MYEF2: variants seen among roughly 807,000 people sequenced by gnomAD.
The protein encoded by MYEF2 is myelin expression factor 2, also known as myelin gene expression factor 2.
In MYEF2, 37 loss-of-function variants were observed where a neutral mutation model predicts 75.2. The ratio of observed to expected loss-of-function variants is 0.49; its 90% confidence interval spans 0.38 to 0.65. The LOEUF is 0.65. Among genes scored for constraint, MYEF2 ranks in the 30% least tolerant of loss-of-function variants. The pLI, the probability that MYEF2 is intolerant of heterozygous loss-of-function variation, is 0.00. For missense variants in MYEF2, 634 were observed against 771.4 expected (o/e 0.82, Z 2.11); for synonymous variants, 195 against 241.6 (o/e 0.81, Z 1.79).
chr15:48,140,977 T>TAAGC lies in MYEF2; in HGVS notation c.*1927_*1930dup, dbSNP rs2039059636. The TAAGC allele has an allele frequency of 8.2e-6, 5 of 612,608 alleles. No homozygotes were observed. In the South Asian group the frequency reaches 1.1e-4, roughly 14 times the overall value. The allele number at this position is 612,608 out of a possible 1,614,324, so 37.9% of individuals were successfully genotyped here. A position where few individuals can be genotyped will look rare whatever the true frequency, so the allele number is the denominator to read the frequency against. On this transcript the variant is annotated 3_prime_UTR_variant, in exon 17 of 17. Transcript: ENST00000324324. ...AATATGTTGCTAGCTAAAAAACTAA[T>TAAGC]AAGCAAGCACATATTGGCTCTGAAT...
chr15:48,170,074 T>G (rs769206361), intron 1 of MYEF2, among the ~76,000 whole-genome samples: 1 of 152,148 alleles, frequency 6.6e-6, no homozygotes, highest in Non-Finnish European at 1.5e-5. Flanking sequence ...AAAACAAGTC[T>G]TTTTTACAGC....
chr15:48,158,164 C>T lies in MYEF2; in HGVS notation c.921+11G>A, dbSNP rs1368779955. 1 of 1,612,762 alleles carries T rather than the reference C, an allele frequency of 6.2e-7. No individual in the cohort carries two copies. Among genetic ancestry groups the T allele is most frequent in the Non-Finnish European group, 8.5e-7 (1 of 1,179,262 alleles). On this transcript the variant is annotated intron_variant, in intron 8 of 16. Transcript: ENST00000324324. ...AGAGGTTGGAGGTTGAAGTGATATA[C>T]AGGAACTCACCATTTTCACATGCAT...
chr15:48,177,373 T>G (rs573119999), intron 1 of MYEF2, among the ~76,000 whole-genome samples: 55 of 151,882 alleles, frequency 3.6e-4, no homozygotes, highest in Non-Finnish European at 6.6e-4. Flanking sequence ...ATACCAAACT[T>G]AAGATAATCA....
At chr15:48,168,583 T>C (rs2040213751) in intron 2 of MYEF2, 48 bp downstream of exon 2, 5 of 1,472,338 alleles carry the variant, frequency 3.4e-6, no homozygotes, top group African/African-American at 1.4e-5. Context: ...TTCCCTCCCC[T>C]GCCTATATGA....
rs1213000693 is a variant in MYEF2 at position 48,139,142 on chromosome 15, A to G, written c.*3766T>C. On this transcript the variant is annotated 3_prime_UTR_variant, in exon 17 of 17. Transcript: ENST00000324324. ...GTCTGCAATATGGATATCCGCATTT[A>G]CATATATCCTGGTTTGGATGGTCAC... The G allele has an allele frequency of 6.2e-7, 1 of 1,612,610 alleles. No homozygotes were observed. The highest frequency in any genetic ancestry group is 1.3e-5 in the African/African-American group (1 of 74,890).
Position 48,141,061 on chromosome 15 carries a change from G to A in MYEF2, c.*1847C>T, listed in dbSNP as rs2039063429. On this transcript the variant is annotated 3_prime_UTR_variant, in exon 17 of 17. Coordinates refer to ENST00000324324, the MANE Select transcript of MYEF2 (RefSeq NM_016132.5). ...GGAAATATCCAAAATAACTGCAAAG[G>A]ATGGTTAGTGAATCTTTAAGATTTG... 1 of 1,409,952 alleles carries A rather than the reference G, an allele frequency of 7.1e-7. No individual in the cohort carries two copies. Among genetic ancestry groups the A allele is most frequent in the Non-Finnish European group, 1.0e-6 (1 of 1,001,898 alleles). 87.3% of individuals were successfully genotyped at this position (1,409,952 alleles called of 1,614,324 possible).
In MYEF2 at chr15:48,139,505, G is replaced by A; in HGVS notation, c.*3403C>T. The A allele has an allele frequency of 6.0e-6, 1 of 165,798 alleles. No homozygotes were observed. The highest frequency in any genetic ancestry group is 1.3e-5 in the Non-Finnish European group (1 of 79,374). 10.3% of individuals were successfully genotyped at this position (165,798 alleles called of 1,614,324 possible). ...GGGTCCACAATAAACTCTTTATATT[G>A]AATTCCATTCCATAATAAAAAAAAA... On this transcript the variant is annotated 3_prime_UTR_variant, in exon 17 of 17. Transcript: ENST00000324324.
At position 48,141,300 on chromosome 15, in the gene MYEF2, CG is replaced by C. The variant is rs1048381112; in HGVS notation, c.*1607del. 24 of 1,138,974 alleles carry C rather than the reference CG, an allele frequency of 2.1e-5. No individual in the cohort carries two copies. The highest frequency in any genetic ancestry group is 6.1e-5 in the Admixed American group (3 of 49,494). 70.6% of individuals were successfully genotyped at this position (1,138,974 alleles called of 1,614,324 possible). A position where few individuals can be genotyped will look rare whatever the true frequency, so the allele number is the denominator to read the frequency against. The stretch of plus-strand genomic sequence containing the variant: ...AGCTTTAAAAATGTTTACTTCCAGC[CG>C]GGTGTGGTGGCTCGCGCCTGTAATC... On this transcript the variant is annotated 3_prime_UTR_variant, in exon 17 of 17. Coordinates refer to ENST00000324324, the MANE Select transcript of MYEF2 (RefSeq NM_016132.5).
chr15:48,174,574 A>G (rs765035368), intron 1 of MYEF2, among the ~76,000 whole-genome samples: 1 of 152,114 alleles, frequency 6.6e-6, no homozygotes, highest in Non-Finnish European at 1.5e-5. Context: ...TAATATCAAA[A>G]ATGTATAAGG....
At chr15:48,169,448 A>G (rs1195831584) in intron 1 of MYEF2, among the ~76,000 whole-genome samples, 1 of 152,174 alleles carries the variant, frequency 6.6e-6, no homozygotes, top group Non-Finnish European at 1.5e-5. Flanking sequence ...AAACTTATAA[A>G]GTATCCTAAT....
chr15:48,135,007 T>C lies in MYEF2; in HGVS notation c.*7901A>G, dbSNP rs188312269. On this transcript the variant is annotated 3_prime_UTR_variant, in exon 17 of 17. Coordinates refer to ENST00000324324, the MANE Select transcript of MYEF2 (RefSeq NM_016132.5). ...CTGGTAAGCTTGAAAATAATTCTTA[T>C]GTAAAAATTAGAGATTTTATGAATT... The C allele has an allele frequency of 1.5e-4, 238 of 1,536,766 alleles. No individual in the cohort carries two copies. In the African/African-American group the frequency reaches 2.8e-3, roughly 18 times the overall value.
At position 48,158,774 on chromosome 15, in the gene MYEF2, G is replaced by C; in HGVS notation, c.866C>G (p.Ala289Gly). ...TFEQAIEAVQ[A>G]ISMFNGQFLF... Reference sequence around the variant, plus strand: ...TGAAATGTAAATCAGGATACAAATTGCTTGAACTGCTTCAATTGCTTGCTC... The same window carrying C: ...TGAAATGTAAATCAGGATACAAATTCCTTGAACTGCTTCAATTGCTTGCTC... The change falls in exon 7 of 17, where the codon GCA (alanine) becomes GGA (glycine). Residue 289 changes from alanine (A) to glycine (G), a missense_variant. Physicochemically the swap from Ala to Gly is moderately conservative, Grantham distance 60. Coordinates refer to ENST00000324324, the MANE Select transcript of MYEF2 (RefSeq NM_016132.5). 4 of 1,613,432 alleles carry C rather than the reference G, an allele frequency of 2.5e-6. No homozygotes were observed. Among genetic ancestry groups the C allele is most frequent in the Non-Finnish European group, 2.5e-6 (3 of 1,179,604 alleles).
chr15:48,151,787 G>A, intron 12 of MYEF2, 87 bp downstream of exon 12: 1 of 1,468,270 alleles, frequency 6.8e-7, no homozygotes, highest in Non-Finnish European at 9.5e-7. Flanking sequence ...GACATTTTTA[G>A]CACACATTCC....
Position 48,138,433 on chromosome 15 carries a change from T to TA in MYEF2, c.*4474dup, listed in dbSNP as rs2038956420. 1 of 152,138 alleles carries TA rather than the reference T, an allele frequency of 6.6e-6. No individual in the cohort carries two copies. Among genetic ancestry groups the TA allele is most frequent in the African/African-American group, 2.4e-5 (1 of 41,418 alleles). The allele number at this position is 152,138 out of a possible 1,614,324, so 9.4% of individuals were successfully genotyped here. On this transcript the variant is annotated 3_prime_UTR_variant, in exon 17 of 17. Coordinates refer to ENST00000324324, the MANE Select transcript of MYEF2 (RefSeq NM_016132.5). ...GAACTGTGGTAAAGTCTGAATTTAA[T>TA]AAATAAAATAGTAATGAAATAGGAC...
In MYEF2 at chr15:48,142,733, T is replaced by C. The variant is rs186088623; in HGVS notation, c.*175A>G. On this transcript the variant is annotated 3_prime_UTR_variant, in exon 17 of 17. Transcript: ENST00000324324. ...ACTTGCTGTCTTTAAAAACCCAAAC[T>C]TGAGATTAACAAAAATTACAGTATA... 73 of 611,416 alleles carry C rather than the reference T, an allele frequency of 1.2e-4. 2 individuals are homozygous for C. In the Admixed American group the frequency reaches 2.1e-3, roughly 18 times the overall value. The allele number at this position is 611,416 out of a possible 1,614,324, so 37.9% of individuals were successfully genotyped here.
rs2038949821 is a variant in MYEF2 at position 48,138,220 on chromosome 15, T to A, written c.*4688A>T. The A allele has an allele frequency of 6.6e-6, 1 of 152,106 alleles. No homozygotes were observed. The highest frequency in any genetic ancestry group is 6.6e-5 in the Admixed American group (1 of 15,254). The allele number at this position is 152,106 out of a possible 1,614,324, so 9.4% of individuals were successfully genotyped here. The stretch of plus-strand genomic sequence containing the variant: ...TGTTGTACTAACATTAGTTTTAACA[T>A]GATTTCATCCAATTGTTACATTATT... On this transcript the variant is annotated 3_prime_UTR_variant, in exon 17 of 17. Coordinates refer to ENST00000324324, the MANE Select transcript of MYEF2 (RefSeq NM_016132.5).
At chr15:48,146,686 G>T (rs1034931229) in intron 16 of MYEF2, among the ~76,000 whole-genome samples, 1 of 151,942 alleles carries the variant, frequency 6.6e-6, no homozygotes, top group African/African-American at 2.4e-5. Context: ...GCAAGCAAGA[G>T]AATATACTTA....
chr15:48,158,356 G>T, intron 7 of MYEF2, 132 bp from the exon 8 acceptor site: 4 of 753,620 alleles, frequency 5.3e-6, no homozygotes, highest in Non-Finnish European at 8.5e-6. Context: ...ATTGATATTA[G>T]CCACTTTCAT....
At chr15:48,154,753 G>C (rs1176006033) in intron 9 of MYEF2, among the ~76,000 whole-genome samples, 1 of 152,008 alleles carries the variant, frequency 6.6e-6, no homozygotes, top group African/African-American at 2.4e-5. Flanking sequence ...ATATGCTTCA[G>C]GGGAAAAAAA....
Sources: gnomAD v4.1 joint callset for allele counts (sites outside exome capture counted in the v4.1 genomes callset) on GRCh38, gnomAD v4.1.1 for gene constraint, MANE v1.5 for transcripts, NCBI Gene and HGNC (gene_info 2026-07-23, HGNC 2026-07-21) for gene names.